Variants in CLIC4 observed in about 807,000 individuals in gnomAD.
CLIC4 encodes the protein chloride intracellular channel protein 4.
CLIC4 carries 13 observed loss-of-function variants against 24.6 expected under a neutral mutation model. That is an observed-to-expected ratio of 0.53 (90% CI 0.34 to 0.84). The LOEUF (loss-of-function observed/expected upper bound fraction) is 0.84, where lower values mean the gene tolerates loss of function less well. Among genes scored for constraint, CLIC4 ranks in the 40% least tolerant of loss-of-function variants. The probability of loss-of-function intolerance (pLI) is 0.01; values close to 1 mark genes in which losing one functional copy is unlikely to be tolerated. For missense variants in CLIC4, 227 were observed against 301.7 expected (o/e 0.75, Z 1.83); for synonymous variants, 104 against 111.3 (o/e 0.93, Z 0.41).
intron 2 of CLIC4, among the ~76,000 whole-genome samples, chr1:24,798,304 A>G (rs1462087486): frequency 6.6e-6 from 1 of 152,224 alleles, no homozygotes; most frequent in Non-Finnish European, 1.5e-5. Context: ...TTTTCAGAGA[A>G]TAACAGTAAT....
intron 2 of CLIC4, among the ~76,000 whole-genome samples, chr1:24,802,280 T>A (rs1017613976): frequency 1.5e-4 from 23 of 152,346 alleles, no homozygotes; most frequent in African/African-American, 5.5e-4. Context: ...GCAGATTTTT[T>A]AAAGGCATTA....
chr1:24,787,139 T>A (rs1450002787), intron 1 of CLIC4, among the ~76,000 whole-genome samples: 3 of 152,204 alleles, frequency 2.0e-5, no homozygotes, highest in African/African-American at 7.2e-5. Flanking sequence ...TTTCTCAGAC[T>A]GGTTTTCTAA....
intron 1 of CLIC4, among the ~76,000 whole-genome samples, chr1:24,775,224 C>CTTTTTTTTTTTTTTTT: frequency 4.2e-4 from 38 of 90,668 alleles, no homozygotes; most frequent in South Asian, 8.3e-4. Context: ...TTCTTTCTTT[C>CTTTTTTTTTTTTTTTT]TTTTTTTTTT....
At chr1:24,832,039 A>G (rs1639847098) in intron 4 of CLIC4, among the ~76,000 whole-genome samples, 1 of 152,210 alleles carries the variant, frequency 6.6e-6, no homozygotes, top group African/African-American at 2.4e-5. Flanking sequence ...ATATACCCAT[A>G]GAAAGTGTTT....
intron 2 of CLIC4, among the ~76,000 whole-genome samples, chr1:24,809,353 A>C (rs1203664328): frequency 1.3e-5 from 2 of 152,240 alleles, no homozygotes; most frequent in Admixed American, 1.3e-4. Context: ...AGATGGAGCC[A>C]GAGAGAGAAT....
chr1:24,823,512 C>T (rs893536304), intron 3 of CLIC4, among the ~76,000 whole-genome samples: 17 of 152,116 alleles, frequency 1.1e-4, no homozygotes, highest in African/African-American at 3.1e-4. Flanking sequence ...TGGTAGCTCA[C>T]GCCTGTAATC....
Position 24,842,651 on chromosome 1 carries a change from C to G in CLIC4, c.*1714C>G, listed in dbSNP as rs750916688. On this transcript the variant is annotated 3_prime_UTR_variant, in exon 6 of 6. Coordinates refer to ENST00000374379, the MANE Select transcript of CLIC4 (RefSeq NM_013943.3). The stretch of plus-strand genomic sequence containing the variant: ...GGCTCAGGAAGATTCTTTGCCTTAC[C>G]TTTCTTAGAACTCTTTATTGCTTAT... The G allele has an allele frequency of 1.1e-4, 16 of 151,952 alleles. No individual in the cohort carries two copies. Among genetic ancestry groups the G allele is most frequent in the Non-Finnish European group, 1.9e-4 (13 of 67,970 alleles). The allele number at this position is 151,952 out of a possible 1,614,324, so 9.4% of individuals were successfully genotyped here.
chr1:24,819,287 T>G (rs1639702482), intron 3 of CLIC4, among the ~76,000 whole-genome samples: 1 of 152,118 alleles, frequency 6.6e-6, no homozygotes, highest in Non-Finnish European at 1.5e-5. Context: ...CAGACCAACA[T>G]TAAGAAAACC....
chr1:24,814,754 G>A (rs1639651756), intron 3 of CLIC4, among the ~76,000 whole-genome samples: 1 of 152,218 alleles, frequency 6.6e-6, no homozygotes, highest in Admixed American at 6.5e-5. Context: ...TGGATGTACT[G>A]TAATGATAGT....
In CLIC4 at chr1:24,841,145, C is replaced by A; in HGVS notation, c.*208C>A. 2.9e-6 allele frequency: 1 copy of A among 339,486 alleles called. No homozygotes were observed. The highest frequency in any genetic ancestry group is 5.2e-6 in the Non-Finnish European group (1 of 190,750). 21.0% of individuals were successfully genotyped at this position (339,486 alleles called of 1,614,324 possible). Reference sequence around the variant, plus strand: ...TTTTAAAATCCTTTACCCTGGCTACCTCCCCTACCCGGGTTCCCCTCTCTT... The same window carrying A: ...TTTTAAAATCCTTTACCCTGGCTACATCCCCTACCCGGGTTCCCCTCTCTT... On this transcript the variant is annotated 3_prime_UTR_variant, in exon 6 of 6. Transcript: ENST00000374379.
chr1:24,776,400 C>G (rs1209395482), intron 1 of CLIC4, among the ~76,000 whole-genome samples: 2 of 152,216 alleles, frequency 1.3e-5, no homozygotes, highest in African/African-American at 4.8e-5. Context: ...CTGCTTTTGT[C>G]ACTCTCCAGT....
At chr1:24,752,178 T>C (rs1205947487) in intron 1 of CLIC4, among the ~76,000 whole-genome samples, 1 of 152,198 alleles carries the variant, frequency 6.6e-6, no homozygotes, top group Admixed American at 6.5e-5. Context: ...GTGCTTCAGT[T>C]TCCTAACTTC....
intron 1 of CLIC4, among the ~76,000 whole-genome samples, chr1:24,750,068 C>A (rs1163295549): frequency 6.6e-6 from 1 of 152,056 alleles, no homozygotes; most frequent in African/African-American, 2.4e-5. Context: ...TTGGGTGAGA[C>A]CCTATCTCTA....
At position 24,840,908 on chromosome 1, in the gene CLIC4, A is replaced by G. The variant is rs1045287827; in HGVS notation, c.733A>G (p.Ser245Gly). Residue 245 changes from serine (S) to glycine (G), a missense_variant, in exon 6 of 6, where the codon AGT (serine) becomes GGT (glycine). Physicochemically the swap from Ser to Gly is moderately conservative, Grantham distance 56. Transcript: ENST00000374379. ...TGATAAGGAGGTTGAAATAGCATATAGTGATGTAGCCAAAAGACTCACCAA... is the reference window on the plus strand; with the variant it reads ...TGATAAGGAGGTTGAAATAGCATATGGTGATGTAGCCAAAAGACTCACCAA... ...PSDKEVEIAY[S>G]DVAKRLTK The G allele has an allele frequency of 1.2e-6, 2 of 1,603,902 alleles. No homozygotes were observed. The highest frequency in any genetic ancestry group is 2.7e-5 in the African/African-American group (2 of 74,410).
intron 3 of CLIC4, among the ~76,000 whole-genome samples, chr1:24,822,909 G>T (rs1009298275): frequency 6.6e-6 from 1 of 152,056 alleles, no homozygotes; most frequent in Non-Finnish European, 1.5e-5. Context: ...TTGTTCTAGG[G>T]CACCCAGGGA....
At chr1:24,831,603 T>TATA (rs1014743535) in intron 4 of CLIC4, among the ~76,000 whole-genome samples, 2 of 152,186 alleles carry the variant, frequency 1.3e-5, no homozygotes, top group Non-Finnish European at 2.9e-5. Context: ...TGTACTCTAA[T>TATA]ATGTTCTTGT....
chr1:24,829,007 TTATG>T (rs929549064), intron 4 of CLIC4, among the ~76,000 whole-genome samples: 6 of 152,216 alleles, frequency 3.9e-5, no homozygotes, highest in Admixed American at 3.9e-4. Context: ...TGGGCCCTCC[TTATG>T]TATGTTTGCC....
At chr1:24,760,550 C>T (rs1235771706) in intron 1 of CLIC4, among the ~76,000 whole-genome samples, 1 of 152,120 alleles carries the variant, frequency 6.6e-6, no homozygotes, top group Non-Finnish European at 1.5e-5. Context: ...CTCTGCACTT[C>T]TCTGCCTTCA....
intron 1 of CLIC4, among the ~76,000 whole-genome samples, chr1:24,769,585 G>A (rs1442465938): frequency 6.6e-6 from 1 of 152,046 alleles, no homozygotes; most frequent in African/African-American, 2.4e-5. Flanking sequence ...AAACTTGAAT[G>A]CTTTCCTAAC....
Sources: gnomAD v4.1 joint callset for allele counts (sites outside exome capture counted in the v4.1 genomes callset) on GRCh38, gnomAD v4.1.1 for gene constraint, MANE v1.5 for transcripts, NCBI Gene and HGNC (gene_info 2026-07-23, HGNC 2026-07-21) for gene names.